The following QKI variants were observed in gnomAD, a reference collection of about 807,000 sequenced individuals.
The protein encoded by QKI is KH domain-containing RNA-binding protein QKI.
QKI carries 10 observed loss-of-function variants against 39.0 expected under a neutral mutation model. The ratio of observed to expected loss-of-function variants is 0.26; its 90% CI spans 0.16 to 0.43. The LOEUF (loss-of-function observed/expected upper bound fraction) is 0.43. Among genes scored for constraint, QKI ranks in the 20% least tolerant of loss-of-function variants. QKI has a pLI of 1.00. For missense variants in QKI, 218 were observed against 428.0 expected (o/e 0.51, Z 4.33); for synonymous variants, 204 against 155.4 (o/e 1.31, Z -2.33).
intron 2 of QKI, among the ~76,000 whole-genome samples, chr6:163,462,584 A>G (rs1388959135): frequency 6.6e-6 from 1 of 152,204 alleles, no homozygotes; most frequent in African/African-American, 2.4e-5. Context: ...TAAATTTGCC[A>G]TGTTAAGGAC....
intron 2 of QKI, chr6:163,457,432 A>T (rs1421621672): frequency 2.2e-6 from 1 of 455,822 alleles, no homozygotes; most frequent in Non-Finnish European, 4.4e-6. Context: ...GTGTTGGAGC[A>T]TGGCATTTGT....
intron 1 of QKI, among the ~76,000 whole-genome samples, chr6:163,420,752 C>A (rs1020302907): frequency 6.6e-6 from 1 of 152,108 alleles, no homozygotes; most frequent in Non-Finnish European, 1.5e-5. Flanking sequence ...TCGTGTTTTA[C>A]AGTTATATTT....
intron 4 of QKI, among the ~76,000 whole-genome samples, chr6:163,536,857 T>A (rs1387443827): frequency 6.6e-6 from 1 of 152,186 alleles, no homozygotes; most frequent in Non-Finnish European, 1.5e-5. Context: ...AGAACTCACT[T>A]CCTGGTTTTT....
intron 4 of QKI, among the ~76,000 whole-genome samples, chr6:163,539,193 A>G (rs778972310): frequency 2.6e-5 from 4 of 152,096 alleles, no homozygotes; most frequent in Non-Finnish European, 5.9e-5. Flanking sequence ...GAGCCCCTGG[A>G]TTTGGAGGAG....
rs563302931 is a variant in QKI, at chr6:163,556,835, A to G, written c.547-5147A>G. Among the ~76,000 whole-genome samples the G allele has an allele frequency of 2.0e-5, 3 of 152,296 alleles. No individual in the cohort carries two copies. The South Asian group carries it at 6.2e-4, about 32-fold the overall frequency. Reference sequence around the variant, plus strand: ...TTCCCCGATACCACAGGTTTTAGCTATTAGCAGGAGTGTGTTCTATTTTTG... The same window carrying G: ...TTCCCCGATACCACAGGTTTTAGCTGTTAGCAGGAGTGTGTTCTATTTTTG... On this transcript the variant is annotated intron_variant, in intron 4 of 7. Coordinates refer to ENST00000361752, the MANE Select transcript of QKI (RefSeq NM_006775.3).
intron 4 of QKI, among the ~76,000 whole-genome samples, chr6:163,537,463 A>G (rs1414342820): frequency 6.6e-6 from 1 of 152,208 alleles, no homozygotes; most frequent in Non-Finnish European, 1.5e-5. Context: ...CATAAGGCTC[A>G]TTAGTTTATC....
chr6:163,549,653 A>G (rs1326237770), intron 4 of QKI, among the ~76,000 whole-genome samples: 2 of 152,230 alleles, frequency 1.3e-5, no homozygotes, highest in Non-Finnish European at 2.9e-5. Context: ...TGGAGGTTGC[A>G]GTGAGCCGAG....
intron 3 of QKI, among the ~76,000 whole-genome samples, chr6:163,512,327 C>T (rs1779533427): frequency 6.6e-6 from 1 of 151,840 alleles, no homozygotes; most frequent in Admixed American, 6.6e-5. Flanking sequence ...ACTAAAGGTC[C>T]TAGCAAGTGC....
chr6:163,556,606 C>T (rs907980967), intron 4 of QKI, among the ~76,000 whole-genome samples: 6 of 151,452 alleles, frequency 4.0e-5, no homozygotes, highest in Admixed American at 3.9e-4. Flanking sequence ...TTTATACATA[C>T]CCATAATTGG....
chr6:163,561,490 C>T (rs1267262335), intron 4 of QKI, among the ~76,000 whole-genome samples: 5 of 152,086 alleles, frequency 3.3e-5, no homozygotes, highest in Admixed American at 1.3e-4. Context: ...TGCCTCTAGT[C>T]GCAGCTACTT....
intron 2 of QKI, among the ~76,000 whole-genome samples, chr6:163,466,976 T>C (rs577891913): frequency 2.0e-4 from 30 of 151,242 alleles, no homozygotes; most frequent in Admixed American, 4.6e-4. Flanking sequence ...ACCTTATGTC[T>C]GCTAAGGGTT....
chr6:163,483,809 A>G (rs1464693034), intron 3 of QKI, among the ~76,000 whole-genome samples: 4 of 152,198 alleles, frequency 2.6e-5, no homozygotes, highest in African/African-American at 9.6e-5. Context: ...AATGTTCTTA[A>G]TGGCATTGAG....
Position 163,571,541 on chromosome 6 carries a change from T to G in QKI, c.*831T>G, listed in dbSNP as rs555969040. 6.6e-6 allele frequency: 1 copy of G among 152,182 alleles called. No homozygotes were observed. The highest frequency in any genetic ancestry group is 2.1e-4 in the South Asian group (1 of 4,824). The allele number at this position is 152,182 out of a possible 1,614,324, so 9.4% of individuals were successfully genotyped here. ...ACCTCCCTGTATAGAAAAAAATCAT[T>G]AAGGATGTAAAAGCCATGCTTGCCT... On this transcript the variant is annotated 3_prime_UTR_variant, in exon 8 of 8. Coordinates refer to ENST00000361752, the MANE Select transcript of QKI (RefSeq NM_006775.3).
rs1221587182 is a variant in QKI at position 163,563,472 on chromosome 6, T to C, written c.687T>C (p.Ile229=). Residue 229 remains isoleucine (I), a synonymous_variant, in exon 6 of 8, where the codon ATT becomes ATC. Transcript: ENST00000361752. The stretch of plus-strand genomic sequence containing the variant: ...CAGCCCAGGCTGCTCCAAGGATCAT[T>C]ACTGGGCCTGCGCCGGTTCTCCCAC... ...AATAQAAPRI[I]TGPAPVLPPA... is the part of the protein sequence containing the mutation. The C allele has an allele frequency of 2.5e-6, 4 of 1,613,922 alleles. No homozygotes were observed. In the African/African-American group the frequency reaches 5.3e-5, roughly 22 times the overall value.
At chr6:163,422,453 T>C (rs1788067515) in intron 1 of QKI, among the ~76,000 whole-genome samples, 1 of 152,060 alleles carries the variant, frequency 6.6e-6, no homozygotes, top group South Asian at 2.1e-4. Flanking sequence ...ATTAGTCGGA[T>C]GTGGTGGTGT....
chr6:163,446,924 G>A (rs1400081999), intron 1 of QKI, among the ~76,000 whole-genome samples: 1 of 152,158 alleles, frequency 6.6e-6, no homozygotes, highest in Non-Finnish European at 1.5e-5. Context: ...CTACAGAACT[G>A]TGTTCTGTTA....
chr6:163,501,128 A>C, intron 3 of QKI, among the ~76,000 whole-genome samples: 1 of 152,254 alleles, frequency 6.6e-6, no homozygotes, highest in South Asian at 2.1e-4. Context: ...AAATTTTTAA[A>C]AGTTTTATGG....
intron 2 of QKI, among the ~76,000 whole-genome samples, chr6:163,475,480 C>T (rs1025788731): frequency 2.0e-5 from 3 of 151,824 alleles, no homozygotes; most frequent in Admixed American, 6.6e-5. Context: ...AATATGACAC[C>T]GTTTTATATA....
At chr6:163,504,635 G>C (rs185629543) in intron 3 of QKI, among the ~76,000 whole-genome samples, 1,589 of 152,216 alleles carry the variant, frequency 0.01, 32 homozygotes, top group African/African-American at 0.035. Context: ...TGTCGTAAAT[G>C]GGATGCATTG....
Sources: gnomAD v4.1 joint callset for allele counts (sites outside exome capture counted in the v4.1 genomes callset) on GRCh38, gnomAD v4.1.1 for gene constraint, MANE v1.5 for transcripts, NCBI Gene and HGNC (gene_info 2026-07-23, HGNC 2026-07-21) for gene names.